The following ATP10A variants were observed in gnomAD, a reference collection of about 807,000 sequenced individuals.
ATP10A encodes phospholipid-transporting ATPase VA.
A neutral mutation model predicts 147.8 loss-of-function variants in ATP10A; 111 were observed. The ratio of observed to expected loss-of-function variants is 0.75; its 90% CI spans 0.64 to 0.88. ATP10A has a LOEUF of 0.88. Among genes scored for constraint, ATP10A ranks in the 40% least tolerant of loss-of-function variants. ATP10A has a pLI of 0.00. For synonymous variants in ATP10A, 875 were observed against 841.6 expected (o/e 1.04, Z -0.69); for missense variants, 1,927 against 1,959.0 (o/e 0.98, Z 0.31).
At chr15:25,780,943 T>C in intron 2 of ATP10A, 76 bp downstream of exon 2, 5 of 1,474,970 alleles carry the variant, frequency 3.4e-6, no homozygotes, top group Non-Finnish European at 4.7e-6. Context: ...GCAGGTGCTC[T>C]GAGCCCCAGA....
chr15:25,862,291 G>C (rs1489524371), intron 1 of ATP10A: 1 of 506,504 alleles, frequency 2.0e-6, no homozygotes, highest in South Asian at 1.5e-5. Flanking sequence ...CTTCAGGCCA[G>C]GGGGCCAGGC....
chr15:25,701,645 G>A (rs1470829786), intron 13 of ATP10A, among the ~76,000 whole-genome samples: 5 of 152,196 alleles, frequency 3.3e-5, no homozygotes, highest in Non-Finnish European at 5.9e-5. Flanking sequence ...GGGACCTCAC[G>A]AGAAAGTTCT....
chr15:25,741,087 G>A (rs564292258), intron 2 of ATP10A, among the ~76,000 whole-genome samples: 14 of 152,286 alleles, frequency 9.2e-5, no homozygotes, highest in Admixed American at 2.0e-4. Flanking sequence ...CCACAGCTCC[G>A]AACTTGCTTA....
At chr15:25,784,063 C>T (rs1360816157) in intron 1 of ATP10A, among the ~76,000 whole-genome samples, 1 of 152,230 alleles carries the variant, frequency 6.6e-6, no homozygotes, top group African/African-American at 2.4e-5. Context: ...ACTTCCTTTT[C>T]CAAAGGTCAA....
chr15:25,704,975 G>A (rs1205821266), intron 12 of ATP10A, among the ~76,000 whole-genome samples: 1 of 152,198 alleles, frequency 6.6e-6, no homozygotes, highest in Non-Finnish European at 1.5e-5. Context: ...CAACGAGGAA[G>A]TTTTAGACAT....
At chr15:25,762,148 T>C (rs1257020052) in intron 2 of ATP10A, among the ~76,000 whole-genome samples, 1 of 152,112 alleles carries the variant, frequency 6.6e-6, no homozygotes, top group African/African-American at 2.4e-5. Context: ...GCTCGGCACT[T>C]CTCCTTCCTG....
At chr15:25,746,491 C>T (rs1328244540) in intron 2 of ATP10A, among the ~76,000 whole-genome samples, 1 of 152,088 alleles carries the variant, frequency 6.6e-6, no homozygotes, top group Admixed American at 6.6e-5. Flanking sequence ...AATAAACTAA[C>T]CTAATGGACA....
intron 12 of ATP10A, among the ~76,000 whole-genome samples, chr15:25,705,441 A>C (rs1324584609): frequency 2.6e-5 from 1 of 38,530 alleles, no homozygotes; most frequent in African/African-American, 8.9e-5. Flanking sequence ...GTCTCAAAGC[A>C]AAAAAAAAAA....
chr15:25,736,055 C>T lies in ATP10A; in HGVS notation c.740+1G>A. 6.2e-7 allele frequency: 1 copy of T among 1,612,690 alleles called. No individual in the cohort carries two copies. Among genetic ancestry groups the T allele is most frequent in the Non-Finnish European group, 8.5e-7 (1 of 1,178,832 alleles). ...CGCGCAGGCAGACACACGATACTCACATGCAGCCGCGAAACCTACTCAGGT... is the reference window on the plus strand; with the variant it reads ...CGCGCAGGCAGACACACGATACTCATATGCAGCCGCGAAACCTACTCAGGT... On this transcript the variant is annotated splice_donor_variant, in intron 3 of 20. Coordinates refer to ENST00000555815, the MANE Select transcript of ATP10A (RefSeq NM_024490.4). LOFTEE classifies it high-confidence loss of function.
intron 1 of ATP10A, among the ~76,000 whole-genome samples, chr15:25,782,338 G>A (rs914367630): frequency 6.6e-6 from 1 of 152,194 alleles, no homozygotes; most frequent in African/African-American, 2.4e-5. Context: ...ATACGTAGTA[G>A]TGATGATTGT....
At chr15:25,798,348 C>T (rs1890780579) in intron 1 of ATP10A, among the ~76,000 whole-genome samples, 2 of 152,152 alleles carry the variant, frequency 1.3e-5, no homozygotes, top group South Asian at 2.1e-4. Context: ...TGCTGGGAGG[C>T]GTGGGGGAAA....
intron 1 of ATP10A, among the ~76,000 whole-genome samples, chr15:25,844,302 C>G (rs898453733): frequency 2.6e-5 from 4 of 152,274 alleles, no homozygotes; most frequent in Non-Finnish European, 5.9e-5. Flanking sequence ...TCTTTGCCAG[C>G]TGGAGCCTCT....
At chr15:25,698,743 A>G (rs1203871880) in intron 13 of ATP10A, among the ~76,000 whole-genome samples, 1 of 152,198 alleles carries the variant, frequency 6.6e-6, no homozygotes, top group Non-Finnish European at 1.5e-5. Context: ...CAATGGTTCA[A>G]TTTACAAATT....
Position 25,716,807 on chromosome 15 carries a change from C to CA in ATP10A, c.1698dup (p.Asp567Ter). 1 of 1,610,084 alleles carries CA rather than the reference C, an allele frequency of 6.2e-7. No individual in the cohort carries two copies. The highest frequency in any genetic ancestry group is 8.5e-7 in the Non-Finnish European group (1 of 1,178,334). On this transcript the variant is annotated frameshift_variant, in exon 9 of 21. Transcript: ENST00000555815. LOFTEE classifies it high-confidence loss of function. Reference sequence around the variant, plus strand: ...AGTGCGATGAAGAAATCAAAGACGTCAGACAGCTCAGGCGAGAGGTGGGCC... The same window carrying CA: ...AGTGCGATGAAGAAATCAAAGACGTCAAGACAGCTCAGGCGAGAGGTGGGCC...
intron 2 of ATP10A, among the ~76,000 whole-genome samples, chr15:25,774,431 G>A (rs938993562): frequency 3.3e-5 from 5 of 152,108 alleles, no homozygotes; most frequent in Non-Finnish European, 5.9e-5. Flanking sequence ...AAAATTAGCC[G>A]GGAGTGGTGG....
At chr15:25,781,505 A>G (rs568517665) in intron 1 of ATP10A, among the ~76,000 whole-genome samples, 1 of 152,132 alleles carries the variant, frequency 6.6e-6, no homozygotes, top group Admixed American at 6.5e-5. Context: ...AAATACAAAA[A>G]TTAGCCGGGT....
chr15:25,789,589 T>TGTGTGTGTGTGTGTGTGTGA, intron 1 of ATP10A, among the ~76,000 whole-genome samples: 1 of 151,698 alleles, frequency 6.6e-6, no homozygotes, highest in Non-Finnish European at 1.5e-5. Flanking sequence ...TGTGTGTGTG[T>TGTGTGTGTGTGTGTGTGTGA]GTGACAGAGA....
rs1168608124 is a variant in ATP10A, at chr15:25,680,316, G to A, written c.3679-8C>T. 3.7e-6 allele frequency: 6 copies of A among 1,611,750 alleles called. No homozygotes were observed. Among genetic ancestry groups the A allele is most frequent in the Non-Finnish European group, 5.1e-6 (6 of 1,178,944 alleles). ...TATCCAGTTGAGCCAGGTCTGAGGG[G>A]GAATGAGAAAGAAAGGGCTTTTATT... On this transcript the variant is annotated splice_polypyrimidine_tract_variant and splice_region_variant and intron_variant, in intron 19 of 20. Coordinates refer to ENST00000555815, the MANE Select transcript of ATP10A (RefSeq NM_024490.4).
rs746505790 is a variant in ATP10A at position 25,708,049 on chromosome 15, T to C, written c.2502A>G (p.Glu834=). Residue 834 remains glutamate, a synonymous_variant, in exon 12 of 21, where the codon GAA becomes GAG. Coordinates refer to ENST00000555815, the MANE Select transcript of ATP10A (RefSeq NM_024490.4). ...GCTCCTCGCTGTTTTCCAGGGAGGA[T>C]TCGGCTTCTAGGTGGCTTTGCAACC... ...ACWLQSHLEA[E]SSLENSEELL... The C allele has an allele frequency of 8.7e-6, 14 of 1,614,156 alleles. No individual in the cohort carries two copies. Among genetic ancestry groups the C allele is most frequent in the Non-Finnish European group, 1.2e-5 (14 of 1,180,040 alleles).
Sources: gnomAD v4.1 joint callset for allele counts (sites outside exome capture counted in the v4.1 genomes callset) on GRCh38, gnomAD v4.1.1 for gene constraint, MANE v1.5 for transcripts, NCBI Gene and HGNC (gene_info 2026-07-23, HGNC 2026-07-21) for gene names.